FILIP1: variants seen among roughly 807,000 people sequenced by gnomAD.
The protein encoded by FILIP1 is filamin A interacting protein 1, also known as filamin-A-interacting protein 1.
FILIP1 carries 61 observed loss-of-function variants against 102.1 expected under a neutral mutation model. The observed-to-expected ratio is 0.60, with a 90% CI of 0.49 to 0.74. The LOEUF (loss-of-function observed/expected upper bound fraction) is 0.74, where lower values mean the gene tolerates loss of function less well. FILIP1 is among the 30% of genes least tolerant of loss of function. The pLI, the probability that FILIP1 is intolerant of heterozygous loss-of-function variation, is 0.00. For missense variants in FILIP1, 1,314 were observed against 1,441.2 expected (o/e 0.91, Z 1.43); for synonymous variants, 491 against 526.9 (o/e 0.93, Z 0.93).
intron 2 of FILIP1, chr6:75,386,054 A>G (rs1335419759): frequency 6.6e-6 from 1 of 152,200 alleles, no homozygotes; most frequent in African/African-American, 2.4e-5. Context: ...GATAGAGTCA[A>G]TAAAATGGTT....
intron 4 of FILIP1, among the ~76,000 whole-genome samples, chr6:75,330,477 G>A (rs970641384): frequency 1.3e-4 from 19 of 151,984 alleles, no homozygotes; most frequent in African/African-American, 4.4e-4. Flanking sequence ...CTAGCCCAGT[G>A]CAGGAAGGCC....
At position 75,387,427 on chromosome 6, in the gene FILIP1, A is replaced by C. The variant is rs113470725; in HGVS notation, c.277-24510T>G. On this transcript the variant is annotated intron_variant, in intron 2 of 5. Coordinates refer to ENST00000237172, the MANE Select transcript of FILIP1 (RefSeq NM_015687.5). Reference sequence around the variant, plus strand: ...ACCCAGTAATGGCATTGCTGGGTCAAATGGTATTTCTAGTTCTAGATTCTT... The same window carrying C: ...ACCCAGTAATGGCATTGCTGGGTCACATGGTATTTCTAGTTCTAGATTCTT... Among the ~76,000 whole-genome samples, 713 of 152,260 alleles carry C rather than the reference A, an allele frequency of 4.7e-3. 3 individuals are homozygous for C. Among genetic ancestry groups the C allele is most frequent in the South Asian group, 7.7e-3 (37 of 4,818 alleles).
At chr6:75,293,816 T>A (rs969100943) in exon 7 of FILIP1, 3 of 152,166 alleles carry the variant, frequency 2.0e-5, no homozygotes, top group Admixed American at 1.3e-4. Flanking sequence ...GTACAAACAT[T>A]GGCAAATAGG....
At position 75,414,942 on chromosome 6, in the gene FILIP1, C is replaced by T. The variant is rs763801167; in HGVS notation, c.31G>A (p.Ala11Thr). The T allele has an allele frequency of 3.1e-6, 5 of 1,613,592 alleles. No homozygotes were observed. In the African/African-American group the frequency reaches 6.7e-5, roughly 22 times the overall value. ...GGACAGGAGATATGCCCATCAGATG[C>T]ACTTTCACCACCTTGGTTTCGAGAT... MRSRNQGGES[A>T]SDGHISCPKP... The change falls in exon 2 of 6, where the codon GCA becomes ACA. Residue 11 changes from alanine (A) to threonine (T), a missense_variant. This residue lies in a region of FILIP1 where 494 missense variants were observed against 511.2 expected (regional missense o/e 0.97). Transcript: ENST00000237172.
chr6:75,388,512 G>C (rs767849654), intron 2 of FILIP1, among the ~76,000 whole-genome samples: 1 of 152,160 alleles, frequency 6.6e-6, no homozygotes, highest in Admixed American at 6.5e-5. Flanking sequence ...CTATCCATGA[G>C]CATGGAATGT....
chr6:75,380,385 C>T (rs1232428532), intron 2 of FILIP1, among the ~76,000 whole-genome samples: 1 of 147,374 alleles, frequency 6.8e-6, no homozygotes, highest in African/African-American at 2.5e-5. Flanking sequence ...AGAAACAGTT[C>T]AACTCAACTA....
intron 1 of FILIP1, among the ~76,000 whole-genome samples, chr6:75,476,067 C>A (rs372151385): frequency 1.3e-5 from 2 of 151,958 alleles, no homozygotes; most frequent in Admixed American, 6.6e-5. Context: ...ATGGCAAAAT[C>A]CCATCTCTAC....
intron 5 of FILIP1, among the ~76,000 whole-genome samples, chr6:75,311,779 G>A (rs932111224): frequency 1.3e-5 from 2 of 152,208 alleles, no homozygotes; most frequent in African/African-American, 4.8e-5. Flanking sequence ...TTACTGGCAT[G>A]AGCCACCGCA....
chr6:75,421,265 G>A (rs1336556756), intron 1 of FILIP1, among the ~76,000 whole-genome samples: 3 of 152,124 alleles, frequency 2.0e-5, no homozygotes, highest in African/African-American at 7.2e-5. Context: ...TTTGCAGGAT[G>A]GAAAGTGGTT....
chr6:75,404,056 C>G (rs1219800587), intron 2 of FILIP1, among the ~76,000 whole-genome samples: 2 of 152,076 alleles, frequency 1.3e-5, no homozygotes, highest in African/African-American at 4.8e-5. Flanking sequence ...CACTTCCACT[C>G]CCAGGACCGC....
downstream of FILIP1, among the ~76,000 whole-genome samples, chr6:75,304,294 C>T (rs1772920956): frequency 6.6e-6 from 1 of 152,048 alleles, no homozygotes; most frequent in Admixed American, 6.6e-5. Context: ...TCACTGTGAC[C>T]TCTGCCTCTC....
At chr6:75,347,743 T>C (rs919957965) in intron 4 of FILIP1, among the ~76,000 whole-genome samples, 2 of 152,154 alleles carry the variant, frequency 1.3e-5, no homozygotes, top group Non-Finnish European at 2.9e-5. Flanking sequence ...AGTATAATAG[T>C]GCAGACTGTC....
intron 1 of FILIP1, among the ~76,000 whole-genome samples, chr6:75,460,604 T>C (rs1778992674): frequency 6.6e-6 from 1 of 152,168 alleles, no homozygotes; most frequent in Non-Finnish European, 1.5e-5. Flanking sequence ...GAATAACTAA[T>C]AATAACTTTC....
At chr6:75,368,146 G>A (rs983292623) in intron 2 of FILIP1, among the ~76,000 whole-genome samples, 7 of 152,206 alleles carry the variant, frequency 4.6e-5, no homozygotes, top group Non-Finnish European at 4.4e-5. Flanking sequence ...CAGTGGAGGT[G>A]TAGGGAGGCC....
chr6:75,356,836 T>C (rs981273353), intron 3 of FILIP1, among the ~76,000 whole-genome samples: 1 of 152,196 alleles, frequency 6.6e-6, no homozygotes, highest in African/African-American at 2.4e-5. Flanking sequence ...CCATTCTCTA[T>C]TACAAAATAT....
At chr6:75,323,350 G>T (rs1020747459) in intron 4 of FILIP1, among the ~76,000 whole-genome samples, 1 of 152,068 alleles carries the variant, frequency 6.6e-6, no homozygotes, top group Admixed American at 6.5e-5. Flanking sequence ...GAATTTTACT[G>T]TATGTAAATT....
chr6:75,319,629 G>A (rs1363100221), intron 4 of FILIP1: 4 of 421,672 alleles, frequency 9.5e-6, no homozygotes, highest in South Asian at 8.0e-5. Flanking sequence ...AGGAGATCGA[G>A]ACCATCCTGG....
At chr6:75,388,330 G>A (rs1294021143) in intron 2 of FILIP1, among the ~76,000 whole-genome samples, 1 of 152,086 alleles carries the variant, frequency 6.6e-6, no homozygotes, top group Non-Finnish European at 1.5e-5. Flanking sequence ...CTCCAGCTTT[G>A]TTCTTTTTGC....
downstream of FILIP1, among the ~76,000 whole-genome samples, chr6:75,307,352 T>C (rs1773018958): frequency 6.6e-6 from 1 of 152,218 alleles, no homozygotes; most frequent in Non-Finnish European, 1.5e-5. Context: ...AGTATGCTTT[T>C]TCCCAAATAT....
Sources: gnomAD v4.1 joint callset for allele counts (sites outside exome capture counted in the v4.1 genomes callset) on GRCh38, gnomAD v4.1.1 for gene constraint, gnomAD v4.1.1 regional missense constraint, MANE v1.5 for transcripts, NCBI Gene and HGNC (gene_info 2026-07-23, HGNC 2026-07-21) for gene names.